IARS2: variants seen among roughly 807,000 people sequenced by gnomAD.
The protein encoded by IARS2 is isoleucine--tRNA ligase, mitochondrial.
Under a neutral mutation model 126.3 loss-of-function variants are expected in IARS2, and 56 were observed. The ratio of observed to expected loss-of-function variants is 0.44; its 90% CI spans 0.36 to 0.55. The LOEUF is 0.55. Ranked by LOEUF, IARS2 falls within the 20% of genes least tolerant of loss-of-function variation. The pLI is 0.00. For synonymous variants in IARS2, 407 were observed against 441.1 expected (o/e 0.92, Z 0.97); for missense variants, 1,127 against 1,245.9 (o/e 0.90, Z 1.44).
chr1:220,112,345 A>G lies in IARS2; in HGVS notation c.1479+1408A>G, dbSNP rs1015391407. Among the ~76,000 whole-genome samples the G allele has an allele frequency of 4.4e-5, 3 of 67,962 alleles. 1 individual carries two copies. The highest frequency in any genetic ancestry group is 2.0e-4 in the African/African-American group (3 of 15,344). The allele number at this position is 67,962 out of a possible 152,430, so 44.6% of individuals were successfully genotyped here. A position where few individuals can be genotyped will look rare whatever the true frequency, so the allele number is the denominator to read the frequency against. Reference sequence around the variant, plus strand: ...GAGACGGGGTTTCACCTTGTTAGCCAGGATGGTCTCGATCTCCTGACCTCA... The same window carrying G: ...GAGACGGGGTTTCACCTTGTTAGCCGGGATGGTCTCGATCTCCTGACCTCA... On this transcript the variant is annotated intron_variant, in intron 11 of 22. Coordinates refer to ENST00000366922, the MANE Select transcript of IARS2 (RefSeq NM_018060.4).
At chr1:220,108,124 G>C (rs1341934568) in intron 10 of IARS2, among the ~76,000 whole-genome samples, 3 of 151,640 alleles carry the variant, frequency 2.0e-5, no homozygotes, top group Non-Finnish European at 4.4e-5. Context: ...GCAGTGGTGT[G>C]ATCTCAGCTC....
chr1:220,139,131 G>A lies in IARS2; in HGVS notation c.2299G>A (p.Ala767Thr). The A allele has an allele frequency of 6.2e-7, 1 of 1,604,650 alleles. No individual in the cohort carries two copies. The highest frequency in any genetic ancestry group is 1.1e-5 in the South Asian group (1 of 88,628). ...QYMLHLLQDL[A>T]NKITELYKQY... ...CATGCTACACTTACTGCAGGATTTG[G>A]CAAACAAGGTAAATGTAAATTAATA... Residue 767 changes from alanine (A) to threonine (T), a missense_variant, in exon 18 of 23, where the codon GCA becomes ACA. Transcript: ENST00000366922.
intron 1 of IARS2, 22 bp downstream of exon 1, chr1:220,094,505 G>A: frequency 6.4e-7 from 1 of 1,560,698 alleles, no homozygotes. Context: ...GCCTCGGCGC[G>A]GGGCCTCCAG....
intron 10 of IARS2, among the ~76,000 whole-genome samples, chr1:220,109,849 C>T (rs1656760390): frequency 1.3e-5 from 2 of 152,228 alleles, no homozygotes; most frequent in East Asian, 1.9e-4. Context: ...ACCTGGAGAC[C>T]ATTTTAAGAT....
intron 3 of IARS2, among the ~76,000 whole-genome samples, chr1:220,101,696 A>G (rs1656575796): frequency 1.3e-5 from 2 of 148,944 alleles, no homozygotes; most frequent in South Asian, 4.3e-4. Context: ...GCAAGACTCC[A>G]TCTCAAAAAA....
rs1231594453 is a variant in IARS2, at chr1:220,139,115, C to T, written c.2283C>T (p.His761=). ...DMYVIDQYML[H]LLQDLANKIT... ...ATGTCATAGACCAGTACATGCTACA[C>T]TTACTGCAGGATTTGGCAAACAAGG... The change falls in exon 18 of 23, where the codon CAC becomes CAT. Residue 761 remains histidine (H), a synonymous_variant. Coordinates refer to ENST00000366922, the MANE Select transcript of IARS2 (RefSeq NM_018060.4). 2 of 1,608,476 alleles carry T rather than the reference C, an allele frequency of 1.2e-6. No homozygotes were observed. The highest frequency in any genetic ancestry group is 1.7e-6 in the Non-Finnish European group (2 of 1,177,714).
At chr1:220,106,630 C>CTTTTTTTTTTTTT (rs200435156) in intron 9 of IARS2, among the ~76,000 whole-genome samples, 1 of 138,280 alleles carries the variant, frequency 7.2e-6, no homozygotes. Flanking sequence ...CTTTTCTTTT[C>CTTTTTTTTTTTTT]TTTTTTTTTT....
intron 13 of IARS2, 23 bp from the exon 14 acceptor site, chr1:220,126,727 A>T (rs1558127652): frequency 6.4e-7 from 1 of 1,562,304 alleles, no homozygotes; most frequent in Non-Finnish European, 8.8e-7. Flanking sequence ...TGTACCTGAC[A>T]TGCTTTTGCA....
Position 220,145,497 on chromosome 1 carries a change from G to C in IARS2, c.2752-12G>C. 6.3e-7 allele frequency: 1 copy of C among 1,587,486 alleles called. No individual in the cohort carries two copies. The highest frequency in any genetic ancestry group is 1.1e-5 in the South Asian group (1 of 87,080). On this transcript the variant is annotated splice_polypyrimidine_tract_variant and intron_variant, in intron 21 of 22. Coordinates refer to ENST00000366922, the MANE Select transcript of IARS2 (RefSeq NM_018060.4). Reference sequence around the variant, plus strand: ...TTAACATAAACTGTAACTTTCACATGCTTCCTTCCAGATGCTGCAGTCTGA... The same window carrying C: ...TTAACATAAACTGTAACTTTCACATCCTTCCTTCCAGATGCTGCAGTCTGA...
chr1:220,136,218 G>T (rs758985813), intron 15 of IARS2, among the ~76,000 whole-genome samples: 1 of 152,098 alleles, frequency 6.6e-6, no homozygotes, highest in African/African-American at 2.4e-5. Context: ...TGCAATCTCC[G>T]CCTCTTGGGT....
At chr1:220,144,012 A>G (rs1657537637) in intron 21 of IARS2, 19 of 1,526,300 alleles carry the variant, frequency 1.2e-5, no homozygotes, top group Non-Finnish European at 1.4e-5. Context: ...TTGCTTCTTC[A>G]TGGTCCATGA....
intron 22 of IARS2, 62 bp from the exon 23 acceptor site, chr1:220,147,431 T>C (rs1657623933): frequency 6.5e-7 from 1 of 1,540,642 alleles, no homozygotes; most frequent in East Asian, 2.2e-5. Flanking sequence ...GCTAAACCAA[T>C]TAAGAAACAG....
At chr1:220,144,234 G>A (rs979553689) in intron 21 of IARS2, 13 of 768,450 alleles carry the variant, frequency 1.7e-5, no homozygotes, top group South Asian at 5.4e-5. Flanking sequence ...TCATCATCAC[G>A]GTGAGAAACA....
intron 9 of IARS2, 129 bp from the exon 10 acceptor site, chr1:220,106,932 A>G (rs753794622): frequency 5.8e-6 from 4 of 694,876 alleles, no homozygotes; most frequent in Non-Finnish European, 1.0e-5. Flanking sequence ...CGCCCGGCCA[A>G]GTACCTAGAA....
chr1:220,094,570 C>A (rs980465175), intron 1 of IARS2, 87 bp downstream of exon 1: 1 of 1,157,676 alleles, frequency 8.6e-7, no homozygotes, highest in Non-Finnish European at 1.2e-6. Flanking sequence ...CACCTCTAGG[C>A]TCCACGCCGG....
chr1:220,128,942 C>A (rs916670264), intron 14 of IARS2, among the ~76,000 whole-genome samples: 1 of 150,706 alleles, frequency 6.6e-6, no homozygotes, highest in African/African-American at 2.4e-5. Flanking sequence ...CACTCTGTTG[C>A]CCAGGATGGA....
At chr1:220,115,957 A>C (rs1357042742) in intron 12 of IARS2, among the ~76,000 whole-genome samples, 1 of 152,198 alleles carries the variant, frequency 6.6e-6, no homozygotes, top group Non-Finnish European at 1.5e-5. Flanking sequence ...ACAGTGGCTC[A>C]TGCCTGTAAT....
chr1:220,146,332 C>T (rs190202771), intron 22 of IARS2, among the ~76,000 whole-genome samples: 98 of 151,876 alleles, frequency 6.5e-4, no homozygotes, highest in Admixed American at 1.1e-3. Flanking sequence ...CTGGCTAACA[C>T]AGTGAAACCC....
intron 14 of IARS2, among the ~76,000 whole-genome samples, chr1:220,131,761 C>T (rs371138761): frequency 1.3e-5 from 2 of 150,972 alleles, no homozygotes; most frequent in South Asian, 2.1e-4. Context: ...GCTGGGATTA[C>T]AGGCATGAGC....
Sources: allele counts gnomAD v4.1 joint callset (sites outside exome capture counted in the v4.1 genomes callset), GRCh38; gene constraint gnomAD v4.1.1; transcripts MANE v1.5; gene names NCBI Gene and HGNC (gene_info 2026-07-23, HGNC 2026-07-21).